The following NCK1 variants were observed in gnomAD, a reference collection of about 807,000 sequenced individuals.
NCK1 encodes NCK adaptor protein 1.
A neutral mutation model predicts 36.6 loss-of-function variants in NCK1; 19 were observed. The observed-to-expected ratio is 0.52, with a 90% CI of 0.36 to 0.76. NCK1 has a LOEUF of 0.76. Ranked by LOEUF, NCK1 falls within the 30% of genes least tolerant of loss-of-function variation. The pLI is 0.00. For synonymous variants in NCK1, 165 were observed against 156.0 expected (o/e 1.06, Z -0.43); for missense variants, 358 against 445.6 (o/e 0.80, Z 1.77).
At position 136,946,110 on chromosome 3, in the gene NCK1, A is replaced by G; in HGVS notation, c.754A>G (p.Asn252Asp). The G allele has an allele frequency of 6.2e-7, 1 of 1,613,998 alleles. No individual in the cohort carries two copies. The highest frequency in any genetic ancestry group is 8.5e-7 in the Non-Finnish European group (1 of 1,180,010). ...VPKNYVTVMQ[N>D]NPLTSGLEPS... ...AAAAAACTATGTTACCGTTATGCAGAATAATCCATTAACTTCAGGTTTGGA... is the reference window on the plus strand; with the variant it reads ...AAAAAACTATGTTACCGTTATGCAGGATAATCCATTAACTTCAGGTTTGGA... The change falls in exon 3 of 4, where the codon AAT becomes GAT. Residue 252 changes from asparagine (N) to aspartate (D), a missense_variant. Around this residue, in one of 3 missense-constraint regions of NCK1, gnomAD observed 207 missense variants for 253.4 expected, o/e 0.82. Transcript: ENST00000481752.
intron 1 of NCK1, among the ~76,000 whole-genome samples, chr3:136,921,991 G>T (rs142059207): frequency 1.3e-3 from 195 of 152,230 alleles, no homozygotes; most frequent in African/African-American, 4.2e-3. Flanking sequence ...CACCATGTTG[G>T]CCAGGATGGT....
chr3:136,929,895 C>T (rs1940349151), intron 2 of NCK1, among the ~76,000 whole-genome samples: 1 of 152,280 alleles, frequency 6.6e-6, no homozygotes, highest in South Asian at 2.1e-4. Flanking sequence ...TTTGTTAATA[C>T]TCCAGGATGC....
intron 1 of NCK1, among the ~76,000 whole-genome samples, chr3:136,910,405 A>G (rs1025168152): frequency 2.0e-5 from 3 of 152,208 alleles, no homozygotes; most frequent in Non-Finnish European, 4.4e-5. Context: ...GTAGTAACAA[A>G]CTAAAGTTAC....
chr3:136,928,473 T>G (rs1940305345), intron 2 of NCK1: 1 of 455,806 alleles, frequency 2.2e-6, no homozygotes, highest in African/African-American at 2.0e-5. Context: ...TAGAACTAAC[T>G]CTCACCTTCT....
intron 1 of NCK1, among the ~76,000 whole-genome samples, chr3:136,886,715 T>C (rs1939082259): frequency 6.6e-6 from 1 of 152,122 alleles, no homozygotes; most frequent in Non-Finnish European, 1.5e-5. Context: ...CTTGTATGCC[T>C]TTTCATTCTC....
chr3:136,942,166 G>C (rs1940695957), intron 2 of NCK1, among the ~76,000 whole-genome samples: 1 of 152,124 alleles, frequency 6.6e-6, no homozygotes. Flanking sequence ...GCACAGGTCT[G>C]GTAGTGATGA....
chr3:136,903,310 T>G (rs185557076), intron 1 of NCK1, among the ~76,000 whole-genome samples: 133 of 152,358 alleles, frequency 8.7e-4, no homozygotes, highest in Non-Finnish European at 1.6e-3. Context: ...AATATCTTTT[T>G]CCATCCCTTA....
intron 2 of NCK1, among the ~76,000 whole-genome samples, chr3:136,938,151 A>G (rs977098146): frequency 1.3e-5 from 2 of 152,156 alleles, no homozygotes; most frequent in Non-Finnish European, 2.9e-5. Flanking sequence ...TTCTGCATCA[A>G]TTGAGATAGT....
At chr3:136,928,946 C>T (rs924768540) in intron 2 of NCK1, among the ~76,000 whole-genome samples, 2 of 150,922 alleles carry the variant, frequency 1.3e-5, no homozygotes, top group Admixed American at 1.3e-4. Context: ...TTTTGGTGTT[C>T]AGGCAAACAT....
chr3:136,949,151 C>A lies in NCK1; in HGVS notation c.*698C>A, dbSNP rs1940909240. ...AGTGCTTCTCCCTCATCTGGTTATT[C>A]AAGAAAACAAAACAGTCTCTGAGAT... On this transcript the variant is annotated 3_prime_UTR_variant, in exon 4 of 4. Transcript: ENST00000481752. 1 of 152,008 alleles carries A rather than the reference C, an allele frequency of 6.6e-6. No individual in the cohort carries two copies. The highest frequency in any genetic ancestry group is 2.1e-4 in the South Asian group (1 of 4,838). 9.4% of individuals were successfully genotyped at this position (152,008 alleles called of 1,614,324 possible).
At chr3:136,872,256 T>G (rs146045236) in intron 1 of NCK1, among the ~76,000 whole-genome samples, 1 of 152,190 alleles carries the variant, frequency 6.6e-6, no homozygotes, top group Non-Finnish European at 1.5e-5. Context: ...CAGATGGAGA[T>G]GGGGAACTTG....
At chr3:136,863,771 T>TA (rs1197072958) in intron 1 of NCK1, among the ~76,000 whole-genome samples, 5 of 152,340 alleles carry the variant, frequency 3.3e-5, no homozygotes, top group Middle Eastern at 3.4e-3. Context: ...CAGGTCCATC[T>TA]AAATAAAATT....
At chr3:136,932,576 G>A (rs1168867624) in intron 2 of NCK1, among the ~76,000 whole-genome samples, 1 of 152,176 alleles carries the variant, frequency 6.6e-6, no homozygotes. Flanking sequence ...ATATTTATAT[G>A]TGGTATTTCT....
At chr3:136,941,116 C>CTTTTTT (rs34776608) in intron 2 of NCK1, among the ~76,000 whole-genome samples, 5 of 100,094 alleles carry the variant, frequency 5.0e-5, no homozygotes, top group Non-Finnish European at 9.9e-5. Context: ...ATTTCTTTTT[C>CTTTTTT]TTTTTTTTTT....
chr3:136,877,635 A>C (rs1239979632), intron 1 of NCK1, among the ~76,000 whole-genome samples: 1 of 152,194 alleles, frequency 6.6e-6, no homozygotes, highest in African/African-American at 2.4e-5. Context: ...TACTTTTAGA[A>C]GATTTGAACT....
chr3:136,948,100 G>C (rs1436065391), intron 3 of NCK1, among the ~76,000 whole-genome samples, 159 bp from the exon 4 acceptor site: 1 of 151,984 alleles, frequency 6.6e-6, no homozygotes, highest in Non-Finnish European at 1.5e-5. Flanking sequence ...GTGTAAAAAG[G>C]GTTTGTTTTG....
chr3:136,937,235 A>C (rs947940019), intron 2 of NCK1, among the ~76,000 whole-genome samples: 13 of 152,194 alleles, frequency 8.5e-5, no homozygotes, highest in African/African-American at 2.7e-4. Context: ...CTTCCCATTG[A>C]GTGATCTTGG....
At chr3:136,912,162 CTTTTTTTTTTTT>C (rs57596314) in intron 1 of NCK1, among the ~76,000 whole-genome samples, 1 of 128,162 alleles carries the variant, frequency 7.8e-6, no homozygotes, top group Non-Finnish European at 1.6e-5. Context: ...ATTATTTTTT[CTTTTTTTTTTTT>C]TTTTTTGAGA....
Position 136,948,149 on chromosome 3 carries a change from G to A in NCK1, c.940-110G>A, listed in dbSNP as rs973199033. ...ATAATCTATGTAAATAATTTACCAT[G>A]GTGCCTAGGACTTAGTAAGTGCTTA... On this transcript the variant is annotated intron_variant, in intron 3 of 3. Transcript: ENST00000481752. 10 of 721,302 alleles carry A rather than the reference G, an allele frequency of 1.4e-5. No individual in the cohort carries two copies. In the African/African-American group the frequency reaches 1.8e-4, roughly 13 times the overall value. The allele number at this position is 721,302 out of a possible 1,614,324, so 44.7% of individuals were successfully genotyped here. A position where few individuals can be genotyped will look rare whatever the true frequency, so the allele number is the denominator to read the frequency against.
Sources: allele counts gnomAD v4.1 joint callset (sites outside exome capture counted in the v4.1 genomes callset), GRCh38; gene constraint gnomAD v4.1.1; regional missense constraint gnomAD v4.1.1; transcripts MANE v1.5; gene names NCBI Gene and HGNC (gene_info 2026-07-23, HGNC 2026-07-21).